The following FGF2 variants were observed in gnomAD, a reference collection of about 807,000 sequenced individuals.
The protein encoded by FGF2 is basic fibroblast growth factor bFGF.
Under a neutral mutation model 15.9 loss-of-function variants are expected in FGF2, and 13 were observed. That is an observed-to-expected ratio of 0.82 (90% CI 0.53 to 1.30). The LOEUF (loss-of-function observed/expected upper bound fraction) is 1.30. FGF2 is among the 50% of genes most tolerant of loss of function. The pLI, the probability that FGF2 is intolerant of heterozygous loss-of-function variation, is 0.00. For synonymous variants in FGF2, 90 were observed against 78.4 expected, an observed-to-expected ratio of 1.15 and a Z score of -0.78; for missense variants, 163 against 196.9, an observed-to-expected ratio of 0.83 and a Z score of 1.03.
chr4:122,885,999 A>G (rs1560757967), intron 2 of FGF2, among the ~76,000 whole-genome samples: 1 of 147,384 alleles, frequency 6.8e-6, no homozygotes, highest in Non-Finnish European at 1.5e-5. Flanking sequence ...GATCACCACA[A>G]TCTTGAATTC....
At chr4:122,830,864 T>C (rs1725751542) in intron 1 of FGF2, among the ~76,000 whole-genome samples, 1 of 145,800 alleles carries the variant, frequency 6.9e-6, no homozygotes, top group Admixed American at 6.9e-5. Flanking sequence ...AAGTACTGTA[T>C]CTACCCTTGG....
At chr4:122,848,196 G>A (rs1292469614) in intron 1 of FGF2, among the ~76,000 whole-genome samples, 1 of 152,148 alleles carries the variant, frequency 6.6e-6, no homozygotes, top group Non-Finnish European at 1.5e-5. Context: ...ACACTGAGAG[G>A]TTCAGTTTTG....
intron 2 of FGF2, among the ~76,000 whole-genome samples, chr4:122,888,157 TAG>T (rs1171421516): frequency 1.3e-5 from 2 of 152,242 alleles, no homozygotes; most frequent in African/African-American, 4.8e-5. Flanking sequence ...TTTATCATTC[TAG>T]AACAGAAACT....
At chr4:122,834,850 G>A (rs1725831702) in intron 1 of FGF2, among the ~76,000 whole-genome samples, 1 of 152,230 alleles carries the variant, frequency 6.6e-6, no homozygotes, top group African/African-American at 2.4e-5. Context: ...AGGAATCTGA[G>A]TTGTGCTAAG....
At chr4:122,859,230 T>C (rs1726404381) in intron 1 of FGF2, among the ~76,000 whole-genome samples, 1 of 151,278 alleles carries the variant, frequency 6.6e-6, no homozygotes, top group South Asian at 2.1e-4. Context: ...GTGGAGACTT[T>C]GTAGGTCTTT....
In FGF2 at chr4:122,827,185, G is replaced by A; in HGVS notation, c.11G>A (p.Gly4Glu). The A allele has an allele frequency of 6.3e-7, 1 of 1,589,088 alleles. No homozygotes were observed. The highest frequency in any genetic ancestry group is 8.5e-7 in the Non-Finnish European group (1 of 1,170,296). Residue 4 changes from glycine to glutamate, a missense_variant, in exon 1 of 3, where the codon GGG becomes GAG. Coordinates refer to ENST00000644866, the MANE Select transcript of FGF2 (RefSeq NM_001361665.2). This position sits in a 1 kb window ranked among gnomAD's most constrained non-coding sequence, Gnocchi z 4.2. ...GGCCCCGCAGGGACCATGGCAGCCGGGAGCATCACCACGCTGCCCGCCTTG... is the reference window on the plus strand; with the variant it reads ...GGCCCCGCAGGGACCATGGCAGCCGAGAGCATCACCACGCTGCCCGCCTTG... MAA[G>E]SITTLPALPE... is the part of the protein sequence containing the mutation.
intron 2 of FGF2, chr4:122,882,611 A>C (rs1341273376): frequency 6.6e-6 from 1 of 152,254 alleles, no homozygotes; most frequent in African/African-American, 2.4e-5. Context: ...GTGCAGTAAG[A>C]ATTAATTTAC....
Position 122,895,605 on chromosome 4 carries a change from A to G in FGF2, c.*3209A>G, listed in dbSNP as rs1290056363. ...GCCAGTGGTAATACGATTTTTTAAG[A>G]AGGCAGTTTGTCAATTTTAATCTTG... On this transcript the variant is annotated 3_prime_UTR_variant, in exon 3 of 3. Transcript: ENST00000644866. 1 of 152,182 alleles carries G rather than the reference A, an allele frequency of 6.6e-6. No individual in the cohort carries two copies. Among genetic ancestry groups the G allele is most frequent in the Non-Finnish European group, 1.5e-5 (1 of 68,042 alleles). The allele number at this position is 152,182 out of a possible 1,614,324, so 9.4% of individuals were successfully genotyped here.
At chr4:122,859,306 C>CTGAA (rs143999249) in intron 1 of FGF2, among the ~76,000 whole-genome samples, 4,938 of 152,152 alleles carry the variant, frequency 0.032, 270 homozygotes, top group African/African-American at 0.11. Context: ...ATATCAATTA[C>CTGAA]TGAATGAATG....
chr4:122,885,690 T>C (rs917575113), intron 2 of FGF2, among the ~76,000 whole-genome samples: 2 of 152,168 alleles, frequency 1.3e-5, no homozygotes, highest in African/African-American at 4.8e-5. Context: ...CATACTGATA[T>C]GTTATTATTA....
Position 122,892,460 on chromosome 4 carries a change from A to G in FGF2, c.*64A>G. On this transcript the variant is annotated 3_prime_UTR_variant, in exon 3 of 3. Transcript: ENST00000644866. ...AGAAGTATATTTTAGAAATTTGTTA[A>G]TGAGAGTAAAAGAAAATAAATGTGT... The G allele has an allele frequency of 1.2e-6, 2 of 1,608,948 alleles. No homozygotes were observed. The highest frequency in any genetic ancestry group is 2.2e-5 in the South Asian group (2 of 90,588).
At chr4:122,859,947 T>G (rs1726427486) in intron 1 of FGF2, among the ~76,000 whole-genome samples, 1 of 152,218 alleles carries the variant, frequency 6.6e-6, no homozygotes, top group Admixed American at 6.5e-5. Context: ...TGGTACCATT[T>G]GATACTGAAG....
At chr4:122,841,521 T>C (rs1418388106) in intron 1 of FGF2, among the ~76,000 whole-genome samples, 1 of 152,250 alleles carries the variant, frequency 6.6e-6, no homozygotes, top group Non-Finnish European at 1.5e-5. Flanking sequence ...GGCTGATCTC[T>C]TATTTAAAAA....
chr4:122,890,906 T>A (rs1370039133), intron 2 of FGF2, among the ~76,000 whole-genome samples: 1 of 152,152 alleles, frequency 6.6e-6, no homozygotes, highest in Admixed American at 6.5e-5. Context: ...TATATACACA[T>A]AATTATAATG....
chr4:122,887,078 G>A (rs1186088213), intron 2 of FGF2, among the ~76,000 whole-genome samples: 1 of 152,170 alleles, frequency 6.6e-6, no homozygotes, highest in Non-Finnish European at 1.5e-5. Context: ...CACTTTGGGA[G>A]GCTGAGGCGG....
At chr4:122,841,117 T>G (rs982055367) in intron 1 of FGF2, among the ~76,000 whole-genome samples, 2 of 152,226 alleles carry the variant, frequency 1.3e-5, no homozygotes, top group African/African-American at 4.8e-5. Context: ...ATAGCAACCT[T>G]CTGTAAAAGA....
intron 1 of FGF2, among the ~76,000 whole-genome samples, chr4:122,847,086 C>T (rs1448447851): frequency 6.6e-6 from 1 of 152,220 alleles, no homozygotes; most frequent in Non-Finnish European, 1.5e-5. Context: ...TCATTATCAG[C>T]ACAACTGCTT....
intron 2 of FGF2, among the ~76,000 whole-genome samples, chr4:122,878,227 T>A (rs1726895402): frequency 6.6e-6 from 1 of 152,206 alleles, no homozygotes; most frequent in South Asian, 2.1e-4. Context: ...TAAGAAGTAT[T>A]ATGATATAGG....
rs769084285 is a variant in FGF2 at position 122,891,021 on chromosome 4, C to CTTTTTTTTTTTTTTT, written c.283-1176_283-1175insTTTTTTTTTTTTTTT. On this transcript the variant is annotated intron_variant, in intron 2 of 2. Coordinates refer to ENST00000644866, the MANE Select transcript of FGF2 (RefSeq NM_001361665.2). ...TGAAGTTGCTTTTTGAACAATTTATCTTTTTTTTTTTTTTGTTTTGTTTTG... is the reference window on the plus strand; with the variant it reads ...TGAAGTTGCTTTTTGAACAATTTATCTTTTTTTTTTTTTTTTTTTTTTTTTTTTTGTTTTGTTTTG... Among the ~76,000 whole-genome samples, 69 of 94,692 alleles carry CTTTTTTTTTTTTTTT rather than the reference C, an allele frequency of 7.3e-4. 1 individual carries two copies. Among genetic ancestry groups the CTTTTTTTTTTTTTTT allele is most frequent in the South Asian group, 2.2e-3 (6 of 2,680 alleles). 62.1% of individuals were successfully genotyped at this position (94,692 alleles called of 152,430 possible).
Sources: allele counts gnomAD v4.1 joint callset (sites outside exome capture counted in the v4.1 genomes callset), GRCh38; gene constraint gnomAD v4.1.1; non-coding constraint Gnocchi (gnomAD v3.1); transcripts MANE v1.5; gene names NCBI Gene and HGNC (gene_info 2026-07-23, HGNC 2026-07-21).